Variants in GFM2 observed in about 807,000 individuals in gnomAD.
GFM2 encodes the protein ribosome-releasing factor 2, mitochondrial.
A neutral mutation model predicts 95.4 loss-of-function variants in GFM2; 72 were observed. The observed-to-expected ratio is 0.76, with a 90% confidence interval of 0.62 to 0.92. The LOEUF (loss-of-function observed/expected upper bound fraction) is 0.92. Ranked by LOEUF, GFM2 falls within the 40% of genes least tolerant of loss-of-function variation. The probability of loss-of-function intolerance (pLI) is 0.00; values close to 1 mark genes in which losing one functional copy is unlikely to be tolerated. For synonymous variants in GFM2, 276 were observed against 317.5 expected (o/e 0.87, Z 1.39); for missense variants, 825 against 924.1 (o/e 0.89, Z 1.39).
At chr5:74,748,890 T>TAAATAAAATAAAATA (rs371140841) in intron 7 of GFM2, among the ~76,000 whole-genome samples, 10 of 76,806 alleles carry the variant, frequency 1.3e-4, no homozygotes, top group Non-Finnish European at 1.7e-4. Context: ...TAAAATAAAA[T>TAAATAAAATAAAATA]AAATAAAATA....
chr5:74,750,754 GGT>G (rs1231944133), intron 6 of GFM2, 87 bp from the exon 7 acceptor site: 47 of 905,600 alleles, frequency 5.2e-5, no homozygotes, highest in Middle Eastern at 2.2e-4. Flanking sequence ...CCTGGGGAGG[GGT>G]GTGTGTGTAT....
chr5:74,755,445 G>C (rs1210005198), intron 5 of GFM2, among the ~76,000 whole-genome samples: 1 of 152,026 alleles, frequency 6.6e-6, no homozygotes, highest in Non-Finnish European at 1.5e-5. Flanking sequence ...CAAAAAGCTG[G>C]TTCTTTGAAA....
chr5:74,734,352 G>C (rs1466885951), intron 15 of GFM2, among the ~76,000 whole-genome samples: 1 of 151,742 alleles, frequency 6.6e-6, no homozygotes, highest in East Asian at 1.9e-4. Context: ...GTTTGATGTG[G>C]CTATAAGAAA....
rs1230843620 is a variant in GFM2, at chr5:74,721,227, T to C, written c.*428A>G. The C allele has an allele frequency of 4.4e-6, 6 of 1,358,416 alleles. No individual in the cohort carries two copies. The South Asian group carries it at 4.7e-5, about 11-fold the overall frequency. 84.1% of individuals were successfully genotyped at this position (1,358,416 alleles called of 1,614,324 possible). On this transcript the variant is annotated 3_prime_UTR_variant, in exon 21 of 21. Transcript: ENST00000296805. The stretch of plus-strand genomic sequence containing the variant: ...AATCTGTACTACAATCAACTTTATT[T>C]TGAAATCATGTAAAATAAGATATTA...
intron 19 of GFM2, chr5:74,725,022 A>C (rs967643948): frequency 6.6e-6 from 1 of 152,202 alleles, no homozygotes; most frequent in Non-Finnish European, 1.5e-5. Flanking sequence ...CTTAGCCTGA[A>C]TCTGTTATTC....
At chr5:74,757,642 T>C (rs1183323947) in intron 5 of GFM2, among the ~76,000 whole-genome samples, 1 of 145,248 alleles carries the variant, frequency 6.9e-6, no homozygotes, top group African/African-American at 2.6e-5. Flanking sequence ...GGCAGGAGGA[T>C]CTCTTGTGCC....
intron 17 of GFM2, among the ~76,000 whole-genome samples, chr5:74,726,812 T>C (rs941358362): frequency 2.0e-5 from 3 of 152,196 alleles, no homozygotes; most frequent in African/African-American, 7.2e-5. Flanking sequence ...TTATAGTCTA[T>C]AATTCTTCAT....
chr5:74,754,027 C>G (rs1561258399), intron 5 of GFM2, among the ~76,000 whole-genome samples: 1 of 152,034 alleles, frequency 6.6e-6, no homozygotes, highest in Non-Finnish European at 1.5e-5. Flanking sequence ...TAGCAGAAAC[C>G]CTACCAGCTA....
chr5:74,750,679 A>T lies in GFM2; in HGVS notation c.431-12T>A. On this transcript the variant is annotated splice_polypyrimidine_tract_variant and intron_variant, in intron 6 of 20. Coordinates refer to ENST00000296805, the MANE Select transcript of GFM2 (RefSeq NM_032380.5). ...AAAGTCCACATGACCTAAGAAAAAGATAAGACGTATAATGCCTTCTTTTTA... is the reference window on the plus strand; with the variant it reads ...AAAGTCCACATGACCTAAGAAAAAGTTAAGACGTATAATGCCTTCTTTTTA... The T allele has an allele frequency of 1.9e-6, 3 of 1,587,066 alleles. No individual in the cohort carries two copies. Among genetic ancestry groups the T allele is most frequent in the Non-Finnish European group, 2.6e-6 (3 of 1,156,986 alleles).
intron 12 of GFM2, 93 bp from the exon 13 acceptor site, chr5:74,738,735 T>C (rs1020096131): frequency 1.0e-4 from 129 of 1,236,790 alleles, no homozygotes; most frequent in Non-Finnish European, 1.4e-4. Flanking sequence ...TATTTTATCT[T>C]CTAGTAGAGC....
intron 10 of GFM2, among the ~76,000 whole-genome samples, chr5:74,742,314 C>T (rs1386863745): frequency 6.6e-6 from 1 of 151,110 alleles, no homozygotes; most frequent in Admixed American, 6.6e-5. Context: ...ATGTACCTAA[C>T]CATCCTTCTG....
chr5:74,743,157 A>C (rs1012301170), intron 10 of GFM2, among the ~76,000 whole-genome samples: 1 of 152,052 alleles, frequency 6.6e-6, no homozygotes, highest in African/African-American at 2.4e-5. Context: ...ATTACTCTGG[A>C]TCCATGGATT....
intron 13 of GFM2, 31 bp downstream of exon 13, chr5:74,738,471 G>A: frequency 6.2e-7 from 1 of 1,610,314 alleles, no homozygotes; most frequent in South Asian, 1.1e-5. Flanking sequence ...AGTGCATACA[G>A]TTTTATAAAA....
chr5:74,763,102 T>C (rs1744365596), intron 2 of GFM2, among the ~76,000 whole-genome samples: 1 of 152,220 alleles, frequency 6.6e-6, no homozygotes, highest in Non-Finnish European at 1.5e-5. Flanking sequence ...ATACTGAAGA[T>C]GTGATAGTTT....
In GFM2 at chr5:74,759,635, T is replaced by TA. The variant is rs1744181730; in HGVS notation, c.149-210dup. ...TGACAATAAAACAAGGTAAAAGTTT[T>TA]AAACATCAAGTTCTAGATCATATCC... On this transcript the variant is annotated intron_variant, in intron 3 of 20. Coordinates refer to ENST00000296805, the MANE Select transcript of GFM2 (RefSeq NM_032380.5). Among the ~76,000 whole-genome samples the TA allele has an allele frequency of 7.2e-5, 11 of 152,254 alleles. No homozygotes were observed. In the South Asian group the frequency reaches 1.9e-3, roughly 26 times the overall value.
intron 3 of GFM2, among the ~76,000 whole-genome samples, chr5:74,760,101 A>ACC (rs1744198952): frequency 1.3e-5 from 2 of 152,218 alleles, no homozygotes; most frequent in African/African-American, 4.8e-5. Flanking sequence ...AAATTTAATT[A>ACC]AAGCCTTCCT....
At chr5:74,748,564 T>C (rs1395922482) in intron 7 of GFM2, among the ~76,000 whole-genome samples, 1 of 152,166 alleles carries the variant, frequency 6.6e-6, no homozygotes, top group African/African-American at 2.4e-5. Flanking sequence ...TATACATACG[T>C]ACCAGTTGGC....
At position 74,721,579 on chromosome 5, in the gene GFM2, T is replaced by TAAAGCAATA; in HGVS notation, c.*67_*75dup. 1.4e-6 allele frequency: 2 copies of TAAAGCAATA among 1,413,628 alleles called. No individual in the cohort carries two copies. Among genetic ancestry groups the TAAAGCAATA allele is most frequent in the Non-Finnish European group, 2.0e-6 (2 of 1,013,120 alleles). The allele number at this position is 1,413,628 out of a possible 1,614,324, so 87.6% of individuals were successfully genotyped here. A position where few individuals can be genotyped will look rare whatever the true frequency, so the allele number is the denominator to read the frequency against. ...AACAGTACTTTATTCGTCCAATAAA[T>TAAAGCAATA]AAAGCAATAAAAATTGTTCTTACTG... On this transcript the variant is annotated 3_prime_UTR_variant, in exon 21 of 21. Coordinates refer to ENST00000296805, the MANE Select transcript of GFM2 (RefSeq NM_032380.5).
intron 17 of GFM2, among the ~76,000 whole-genome samples, chr5:74,727,377 T>C (rs1750196914): frequency 6.6e-6 from 1 of 152,120 alleles, no homozygotes; most frequent in South Asian, 2.1e-4. Flanking sequence ...TAAGCAATAG[T>C]TTACTTCTGC....
Sources: gnomAD v4.1 joint callset for allele counts (sites outside exome capture counted in the v4.1 genomes callset) on GRCh38, gnomAD v4.1.1 for gene constraint, MANE v1.5 for transcripts, NCBI Gene and HGNC (gene_info 2026-07-23, HGNC 2026-07-21) for gene names.